Variants in WWTR1 observed in about 807,000 individuals in gnomAD.
The protein encoded by WWTR1 is WW domain containing transcription regulator 1.
In WWTR1, 13 loss-of-function variants were observed where a neutral mutation model predicts 40.1. That is an observed-to-expected ratio of 0.32 (90% CI 0.21 to 0.52). The LOEUF is 0.52. WWTR1 is among the 20% of genes least tolerant of loss of function. WWTR1 has a pLI of 0.97. For synonymous variants in WWTR1, 230 were observed against 210.1 expected, an observed-to-expected ratio of 1.09 and a Z score of -0.82; for missense variants, 436 against 523.1, an observed-to-expected ratio of 0.83 and a Z score of 1.63.
chr3:149,638,124 G>A (rs772775696), intron 2 of WWTR1, among the ~76,000 whole-genome samples: 5 of 152,158 alleles, frequency 3.3e-5, no homozygotes, highest in Admixed American at 3.3e-4. Context: ...GCTGAGGCAG[G>A]AGAATGACTT....
At chr3:149,575,024 G>A (rs1737818994) in intron 2 of WWTR1, among the ~76,000 whole-genome samples, 1 of 152,016 alleles carries the variant, frequency 6.6e-6, no homozygotes, top group South Asian at 2.1e-4. Flanking sequence ...AACCCGGGAG[G>A]TGGAGGTTGC....
At chr3:149,614,433 A>G (rs1739874975) in intron 2 of WWTR1, among the ~76,000 whole-genome samples, 1 of 152,200 alleles carries the variant, frequency 6.6e-6, no homozygotes. Context: ...TATAGCCTAT[A>G]TGTGTAGTAG....
At chr3:149,560,285 T>C (rs1737027680) in intron 3 of WWTR1, among the ~76,000 whole-genome samples, 1 of 152,164 alleles carries the variant, frequency 6.6e-6, no homozygotes, top group Non-Finnish European at 1.5e-5. Context: ...ATATAATGTG[T>C]ACTTAAAACT....
At chr3:149,645,599 G>A (rs1261719671) in intron 2 of WWTR1, among the ~76,000 whole-genome samples, 1 of 152,144 alleles carries the variant, frequency 6.6e-6, no homozygotes, top group Non-Finnish European at 1.5e-5. Context: ...AGTTACGTTT[G>A]TTCATTATAG....
At chr3:149,580,644 G>A (rs879826057) in intron 2 of WWTR1, among the ~76,000 whole-genome samples, 13 of 152,240 alleles carry the variant, frequency 8.5e-5, no homozygotes, top group Admixed American at 2.6e-4. Context: ...ACGGAGTTTC[G>A]CTCTTGTCAC....
intron 2 of WWTR1, among the ~76,000 whole-genome samples, chr3:149,577,793 T>C (rs1737954852): frequency 6.6e-6 from 1 of 152,108 alleles, no homozygotes. Flanking sequence ...GTTTTGAAAT[T>C]GGTGGGGTGG....
chr3:149,597,720 A>T (rs1739063798), intron 2 of WWTR1, among the ~76,000 whole-genome samples: 1 of 152,198 alleles, frequency 6.6e-6, no homozygotes, highest in African/African-American at 2.4e-5. Flanking sequence ...TTAAAATATA[A>T]ACTAGTAAAT....
intron 2 of WWTR1, among the ~76,000 whole-genome samples, chr3:149,628,737 TTTTTATTTTATTTTA>T (rs144977104): frequency 0.47 from 67,895 of 144,436 alleles, 17,374 homozygotes; most frequent in Middle Eastern, 0.69. Flanking sequence ...CTTTTTATTT[TTTTTATTTTATTTTA>T]TTTTATTTTA....
chr3:149,657,910 C>T lies in WWTR1; in HGVS notation c.-149G>A. The T allele has an allele frequency of 6.5e-6, 1 of 153,362 alleles. No homozygotes were observed. Among genetic ancestry groups the T allele is most frequent in the Non-Finnish European group, 1.5e-5 (1 of 68,922 alleles). 9.5% of individuals were successfully genotyped at this position (153,362 alleles called of 1,614,324 possible). The stretch of plus-strand genomic sequence containing the variant: ...TGACAAATCCCGACCCGACTCTGTG[C>T]CTGGCAGTCTAAGGGCTTCGGCTCT... On this transcript the variant is annotated 5_prime_UTR_variant, in exon 1 of 7. Coordinates refer to ENST00000360632, the MANE Select transcript of WWTR1 (RefSeq NM_015472.6).
intron 2 of WWTR1, among the ~76,000 whole-genome samples, chr3:149,582,738 TAATAA>T (rs902736301): frequency 6.6e-6 from 1 of 151,844 alleles, no homozygotes; most frequent in African/African-American, 2.4e-5. Context: ...TCAAAAATAA[TAATAA>T]AATAAAATAA....
In WWTR1 at chr3:149,590,627, C is replaced by T. The variant is rs1232136379; in HGVS notation, c.432-17627G>A. ...TGCCATTGCACTCCAGCCTGGGTGA[C>T]AAGAGGGAGACTCCGTCTCAAAAAA... On this transcript the variant is annotated intron_variant, in intron 2 of 6. Transcript: ENST00000360632. Among the ~76,000 whole-genome samples, 12 of 152,068 alleles carry T rather than the reference C, an allele frequency of 7.9e-5. No homozygotes were observed. In the East Asian group the frequency reaches 2.3e-3, roughly 29 times the overall value.
At chr3:149,603,543 G>A (rs7631676) in intron 2 of WWTR1, among the ~76,000 whole-genome samples, 1,621 of 135,304 alleles carry the variant, frequency 0.012, 44 homozygotes, top group Admixed American at 0.062. Flanking sequence ...AGTTACAAAG[G>A]TTCCCCACCC....
intron 3 of WWTR1, among the ~76,000 whole-genome samples, chr3:149,543,580 C>CAAAAAAAAAAAAAAAAAAAAAAAAA (rs755442408): frequency 6.4e-5 from 2 of 31,224 alleles, no homozygotes; most frequent in Non-Finnish European, 1.1e-4. Flanking sequence ...GACTCTGTCT[C>CAAAAAAAAAAAAAAAAAAAAAAAAA]AAAAAAAAAA....
chr3:149,537,088 T>C (rs778636404), intron 4 of WWTR1, among the ~76,000 whole-genome samples: 5 of 152,214 alleles, frequency 3.3e-5, no homozygotes, highest in Non-Finnish European at 7.3e-5. Context: ...GACTACGATT[T>C]CCCACTTCAT....
chr3:149,651,934 A>G (rs139024311), intron 2 of WWTR1, among the ~76,000 whole-genome samples: 3,283 of 142,832 alleles, frequency 0.023, 120 homozygotes, highest in African/African-American at 0.082. Context: ...GGTTCACACC[A>G]TTCTCCTGCC....
chr3:149,540,079 TACACACACACACACACACACAC>T (rs202144589), intron 4 of WWTR1: 78 of 272,114 alleles, frequency 2.9e-4, no homozygotes, highest in South Asian at 2.0e-3. Flanking sequence ...TCCTCCTAAC[TACACACACACACACACACACAC>T]ACACACACAC....
intron 2 of WWTR1, among the ~76,000 whole-genome samples, chr3:149,628,152 C>T (rs1319147349): frequency 6.6e-6 from 1 of 151,184 alleles, no homozygotes; most frequent in Admixed American, 6.6e-5. Context: ...GGGCATACCA[C>T]TAGGTCAGGC....
chr3:149,606,664 C>T (rs902252760), intron 2 of WWTR1, among the ~76,000 whole-genome samples: 1 of 152,150 alleles, frequency 6.6e-6, no homozygotes, highest in Non-Finnish European at 1.5e-5. Context: ...ATACACACTC[C>T]GCCTTCATCC....
intron 1 of WWTR1, among the ~76,000 whole-genome samples, chr3:149,689,705 C>T (rs1714758989): frequency 6.6e-6 from 1 of 152,016 alleles, no homozygotes; most frequent in African/African-American, 2.4e-5. Context: ...GGGATTTTGT[C>T]AATAACAGAT....
Sources: gnomAD v4.1 joint callset for allele counts (sites outside exome capture counted in the v4.1 genomes callset) on GRCh38, gnomAD v4.1.1 for gene constraint, MANE v1.5 for transcripts, NCBI Gene and HGNC (gene_info 2026-07-23, HGNC 2026-07-21) for gene names.